SORCS2: variants seen among roughly 807,000 people sequenced by gnomAD.
The protein encoded by SORCS2 is sortilin related VPS10 domain containing receptor 2, also known as VPS10 domain-containing receptor SorCS2.
Under a neutral mutation model 141.6 loss-of-function variants are expected in SORCS2, and 100 were observed. The observed-to-expected ratio is 0.71, with a 90% CI of 0.60 to 0.83. The LOEUF is 0.83. Among genes scored for constraint, SORCS2 ranks in the 40% least tolerant of loss-of-function variants. The pLI is 0.00. For synonymous variants in SORCS2, 789 were observed against 676.9 expected, an observed-to-expected ratio of 1.17 and a Z score of -2.57; for missense variants, 1,646 against 1,560.2, an observed-to-expected ratio of 1.05 and a Z score of -0.93.
At chr4:7,712,392 G>A (rs1431374332) in intron 14 of SORCS2, among the ~76,000 whole-genome samples, 3 of 152,218 alleles carry the variant, frequency 2.0e-5, no homozygotes, top group Admixed American at 6.5e-5. Flanking sequence ...TGTGGGGGCC[G>A]TGGAAGGGCT....
At chr4:7,294,151 C>A (rs149581028) in intron 1 of SORCS2, among the ~76,000 whole-genome samples, 1 of 152,124 alleles carries the variant, frequency 6.6e-6, no homozygotes, top group Admixed American at 6.5e-5. Context: ...AGGTTCTGAG[C>A]GTCCTATGTG....
chr4:7,691,162 G>A (rs567988200), intron 11 of SORCS2, among the ~76,000 whole-genome samples: 2 of 152,200 alleles, frequency 1.3e-5, no homozygotes, highest in African/African-American at 4.8e-5. Flanking sequence ...ACACAGAGGG[G>A]GTGGCTGTGT....
Position 7,689,579 on chromosome 4 carries a change from A to G in SORCS2, c.1582A>G (p.Met528Val). 6.3e-7 allele frequency: 1 copy of G among 1,592,040 alleles called. No homozygotes were observed. The highest frequency in any genetic ancestry group is 1.1e-5 in the South Asian group (1 of 87,252). Residue 528 changes from methionine to valine, a missense_variant, in exon 11 of 27, where the codon ATG becomes GTG. Physicochemically the swap from Met to Val is conservative, Grantham distance 21. Coordinates refer to ENST00000507866, the MANE Select transcript of SORCS2 (RefSeq NM_020777.3). Reference sequence around the variant, plus strand: ...CAAGGACACCGCCCCAGGCCTCATCATGGGTGCAGGTAGGTGGCTTCCATC... The same window carrying G: ...CAAGGACACCGCCCCAGGCCTCATCGTGGGTGCAGGTAGGTGGCTTCCATC... ...HTKDTAPGLI[M>V]GAGNLGSQLV...
At chr4:7,469,120 G>A (rs887371236) in intron 2 of SORCS2, among the ~76,000 whole-genome samples, 2 of 138,460 alleles carry the variant, frequency 1.4e-5, no homozygotes, top group African/African-American at 7.0e-5. Flanking sequence ...GGTGGTGATG[G>A]TGCTGATAGT....
intron 3 of SORCS2, among the ~76,000 whole-genome samples, chr4:7,545,029 G>C (rs369306086): frequency 7.9e-5 from 12 of 152,070 alleles, no homozygotes; most frequent in Non-Finnish European, 1.6e-4. Flanking sequence ...TGGGCTTGTT[G>C]GTATACAGAG....
chr4:7,543,963 T>C (rs1334912356), intron 3 of SORCS2, among the ~76,000 whole-genome samples: 28 of 73,870 alleles, frequency 3.8e-4, no homozygotes, highest in Middle Eastern at 0.01. Context: ...CATCCATCCA[T>C]CCATCCATCC....
At chr4:7,602,408 C>T (rs1331394872) in intron 3 of SORCS2, among the ~76,000 whole-genome samples, 6 of 150,720 alleles carry the variant, frequency 4.0e-5, no homozygotes, top group African/African-American at 1.2e-4. Flanking sequence ...ACGGGGCGGC[C>T]GGGCAGAGAC....
chr4:7,714,421 T>A (rs1245805054), intron 16 of SORCS2, 48 bp downstream of exon 16: 2 of 1,531,780 alleles, frequency 1.3e-6, no homozygotes, highest in Non-Finnish European at 1.8e-6. Context: ...TGCTTGAGCA[T>A]CCTCACAGCA....
At chr4:7,216,628 C>T (rs919098597) in intron 1 of SORCS2, among the ~76,000 whole-genome samples, 3 of 152,186 alleles carry the variant, frequency 2.0e-5, no homozygotes, top group Non-Finnish European at 2.9e-5. Context: ...ACTCCCATCC[C>T]TCCAATCTCT....
intron 2 of SORCS2, among the ~76,000 whole-genome samples, chr4:7,436,656 G>C (rs1049083884): frequency 3.3e-5 from 5 of 152,220 alleles, no homozygotes; most frequent in Non-Finnish European, 5.9e-5. Flanking sequence ...AGCCGACATT[G>C]TCGTTTCTGG....
intron 1 of SORCS2, among the ~76,000 whole-genome samples, chr4:7,200,183 T>C (rs1727411475): frequency 6.6e-6 from 1 of 151,890 alleles, no homozygotes; most frequent in Admixed American, 6.6e-5. Flanking sequence ...CGGTTTGGGG[T>C]GGGAAGCGGG....
At chr4:7,513,977 C>T (rs1294056660) in intron 2 of SORCS2, among the ~76,000 whole-genome samples, 1 of 152,116 alleles carries the variant, frequency 6.6e-6, no homozygotes, top group Non-Finnish European at 1.5e-5. Flanking sequence ...GTGGCTTTCC[C>T]CGTACTTTTA....
chr4:7,363,161 C>A (rs1440886347), intron 1 of SORCS2, among the ~76,000 whole-genome samples: 1 of 150,146 alleles, frequency 6.7e-6, no homozygotes, highest in Non-Finnish European at 1.5e-5. Context: ...CTGCCACCAC[C>A]ACTACCACCA....
intron 1 of SORCS2, among the ~76,000 whole-genome samples, chr4:7,231,537 T>TCATC (rs1027539552): frequency 6.7e-5 from 10 of 149,010 alleles, no homozygotes; most frequent in South Asian, 4.2e-4. Flanking sequence ...ATCCATCCAT[T>TCATC]CATCCATCCA....
At chr4:7,561,981 A>G (rs999195329) in intron 3 of SORCS2, among the ~76,000 whole-genome samples, 1 of 152,168 alleles carries the variant, frequency 6.6e-6, no homozygotes, top group African/African-American at 2.4e-5. Flanking sequence ...CCATCTACCC[A>G]TCCGTCCCAC....
chr4:7,724,857 TGATGGTGGTGGTA>T, intron 19 of SORCS2, among the ~76,000 whole-genome samples: 1 of 90,154 alleles, frequency 1.1e-5, no homozygotes, highest in Non-Finnish European at 2.5e-5. Context: ...GTGGTAGTGG[TGATGGTGGTGGTA>T]GTGGTGATGG....
At chr4:7,348,225 C>T (rs767437547) in intron 1 of SORCS2, among the ~76,000 whole-genome samples, 3 of 152,236 alleles carry the variant, frequency 2.0e-5, no homozygotes, top group Admixed American at 6.5e-5. Context: ...ATTAACTCTA[C>T]GTCCTTCAGG....
chr4:7,724,844 A>ATGGTGGTAGTGGTGATGG (rs1184328493), intron 19 of SORCS2, among the ~76,000 whole-genome samples: 1 of 104,408 alleles, frequency 9.6e-6, no homozygotes, highest in Non-Finnish European at 1.9e-5. Context: ...GGTGGAGGTG[A>ATGGTGGTAGTGGTGATGG]TGGTGGTAGT....
At chr4:7,436,368 C>T (rs1727299632) in intron 2 of SORCS2, among the ~76,000 whole-genome samples, 2 of 152,258 alleles carry the variant, frequency 1.3e-5, no homozygotes, top group South Asian at 2.1e-4. Flanking sequence ...CACCCACTCG[C>T]ATCCCACCAG....
Sources: gnomAD v4.1 joint callset for allele counts (sites outside exome capture counted in the v4.1 genomes callset) on GRCh38, gnomAD v4.1.1 for gene constraint, MANE v1.5 for transcripts, NCBI Gene and HGNC (gene_info 2026-07-23, HGNC 2026-07-21) for gene names.